GPC6: variants seen among roughly 807,000 people sequenced by gnomAD.
GPC6 encodes glypican 6, also known as glypican-6.
GPC6 carries 14 observed loss-of-function variants against 55.2 expected under a neutral mutation model. The ratio of observed to expected loss-of-function variants is 0.25; its 90% CI spans 0.17 to 0.40. The LOEUF is 0.40. Ranked by LOEUF, GPC6 falls within the 10% of genes least tolerant of loss-of-function variation. GPC6 has a pLI of 1.00. For synonymous variants in GPC6, 278 were observed against 259.6 expected (o/e 1.07, Z -0.68); for missense variants, 641 against 708.5 (o/e 0.90, Z 1.08).
At chr13:93,441,815 C>G (rs1288794275) in intron 1 of GPC6, among the ~76,000 whole-genome samples, 4 of 152,160 alleles carry the variant, frequency 2.6e-5, no homozygotes, top group African/African-American at 7.2e-5. Flanking sequence ...CTCTGTCACT[C>G]AGGCTGAAGT....
intron 1 of GPC6, among the ~76,000 whole-genome samples, chr13:93,304,534 G>C (rs924308648): frequency 7.2e-5 from 11 of 152,158 alleles, no homozygotes; most frequent in Non-Finnish European, 1.3e-4. Flanking sequence ...TCCATATGTA[G>C]ACTTCTACCT....
At chr13:93,871,297 G>C (rs1307908404) in intron 3 of GPC6, among the ~76,000 whole-genome samples, 3 of 151,940 alleles carry the variant, frequency 2.0e-5, no homozygotes, top group Admixed American at 2.0e-4. Context: ...TCAAGAGGGT[G>C]TTGTGAGGAT....
At chr13:93,837,561 T>C (rs954965239) in intron 3 of GPC6, among the ~76,000 whole-genome samples, 3 of 152,206 alleles carry the variant, frequency 2.0e-5, no homozygotes, top group Admixed American at 2.0e-4. Flanking sequence ...TCAAGTACTG[T>C]CGGTTAACTT....
chr13:93,334,381 C>T (rs1467698427), intron 1 of GPC6, among the ~76,000 whole-genome samples: 3 of 151,982 alleles, frequency 2.0e-5, no homozygotes, highest in Non-Finnish European at 2.9e-5. Flanking sequence ...CAAGAAAACC[C>T]CTGCTAAGAT....
At chr13:94,292,912 G>A (rs543836133) in intron 5 of GPC6, among the ~76,000 whole-genome samples, 3 of 152,088 alleles carry the variant, frequency 2.0e-5, no homozygotes, top group Non-Finnish European at 2.9e-5. Flanking sequence ...GGGATGAGGC[G>A]CATTGAGATT....
At chr13:94,261,198 C>A (rs11616986) in intron 4 of GPC6, among the ~76,000 whole-genome samples, 13,653 of 152,152 alleles carry the variant, frequency 0.09, 645 homozygotes, top group Middle Eastern at 0.14. Flanking sequence ...TCACTTGAAC[C>A]CAGGGGGCGG....
At chr13:93,884,251 A>G (rs1875181978) in intron 3 of GPC6, among the ~76,000 whole-genome samples, 1 of 152,084 alleles carries the variant, frequency 6.6e-6, no homozygotes, top group African/African-American at 2.4e-5. Context: ...TTTTATTTTT[A>G]ATCTCTATCA....
intron 1 of GPC6, among the ~76,000 whole-genome samples, chr13:93,449,184 T>C (rs1878120522): frequency 6.6e-6 from 1 of 152,076 alleles, no homozygotes; most frequent in African/African-American, 2.4e-5. Flanking sequence ...AAAGTACAGA[T>C]GAGGAAGGTT....
At chr13:94,300,992 A>G (rs965331450) in intron 5 of GPC6, among the ~76,000 whole-genome samples, 2 of 152,180 alleles carry the variant, frequency 1.3e-5, no homozygotes, top group African/African-American at 4.8e-5. Flanking sequence ...GGTTACAACC[A>G]CCTTCACAGT....
At chr13:93,605,774 G>A (rs936159255) in intron 2 of GPC6, among the ~76,000 whole-genome samples, 2 of 150,856 alleles carry the variant, frequency 1.3e-5, no homozygotes, top group African/African-American at 4.9e-5. Flanking sequence ...CCCAGGAGGT[G>A]GAGGTTGGAG....
chr13:93,764,042 A>G (rs1454508599), intron 2 of GPC6, among the ~76,000 whole-genome samples: 1 of 152,126 alleles, frequency 6.6e-6, no homozygotes, highest in Non-Finnish European at 1.5e-5. Flanking sequence ...ATTCCTCAAT[A>G]GGTACCTCCC....
At chr13:93,473,097 C>G (rs936145849) in intron 1 of GPC6, among the ~76,000 whole-genome samples, 7 of 152,112 alleles carry the variant, frequency 4.6e-5, no homozygotes, top group African/African-American at 1.4e-4. Context: ...CATGGGTGGG[C>G]CCAGAAAAGT....
chr13:93,357,267 T>A (rs775858502), intron 1 of GPC6, among the ~76,000 whole-genome samples: 31 of 152,350 alleles, frequency 2.0e-4, no homozygotes, highest in Admixed American at 1.8e-3. Flanking sequence ...AAAAGGTATC[T>A]AAAATGAGCA....
At chr13:93,770,693 T>C (rs1239751967) in intron 2 of GPC6, among the ~76,000 whole-genome samples, 1 of 152,168 alleles carries the variant, frequency 6.6e-6, no homozygotes, top group African/African-American at 2.4e-5. Context: ...TAGTGTCTAT[T>C]CCCAGACCCA....
At chr13:93,769,048 C>CA (rs11437081) in intron 2 of GPC6, among the ~76,000 whole-genome samples, 10,086 of 151,910 alleles carry the variant, frequency 0.066, 739 homozygotes, top group East Asian at 0.18. Context: ...TTAACATTAG[C>CA]AAAAAAAGAA....
At chr13:93,557,938 T>C (rs1875568548) in intron 2 of GPC6, among the ~76,000 whole-genome samples, 1 of 152,200 alleles carries the variant, frequency 6.6e-6, no homozygotes, top group Admixed American at 6.5e-5. Flanking sequence ...TCTAGATGCC[T>C]TAAACAGTCT....
intron 3 of GPC6, among the ~76,000 whole-genome samples, chr13:94,010,429 A>G (rs1882199229): frequency 6.6e-6 from 1 of 152,162 alleles, no homozygotes; most frequent in Non-Finnish European, 1.5e-5. Context: ...GTATTCCTTT[A>G]GAAGCTGAAT....
chr13:94,117,186 T>G (rs1269177281), intron 4 of GPC6, among the ~76,000 whole-genome samples: 4 of 152,104 alleles, frequency 2.6e-5, no homozygotes, highest in African/African-American at 9.7e-5. Flanking sequence ...CCTAAATGAT[T>G]TATAATGCAC....
chr13:93,459,071 A>AT (rs1878581037), intron 1 of GPC6, among the ~76,000 whole-genome samples: 2 of 152,100 alleles, frequency 1.3e-5, no homozygotes, highest in Admixed American at 6.6e-5. Flanking sequence ...TATTATTATT[A>AT]TTTTTGAGAC....
Sources: allele counts gnomAD v4.1 joint callset (sites outside exome capture counted in the v4.1 genomes callset), GRCh38; gene constraint gnomAD v4.1.1; transcripts MANE v1.5; gene names NCBI Gene and HGNC (gene_info 2026-07-23, HGNC 2026-07-21).